The following ARMC2 variants were observed in gnomAD, a reference collection of about 807,000 sequenced individuals.
ARMC2 encodes the protein armadillo repeat-containing protein 2.
ARMC2 carries 67 observed loss-of-function variants against 90.3 expected under a neutral mutation model. The ratio of observed to expected loss-of-function variants is 0.74; its 90% CI spans 0.61 to 0.91. ARMC2 has a LOEUF of 0.91. ARMC2 is among the 40% of genes least tolerant of loss of function. ARMC2 has a pLI of 0.00. For synonymous variants in ARMC2, 393 were observed against 393.0 expected (o/e 1.00, Z 0.00); for missense variants, 920 against 1,030.9 (o/e 0.89, Z 1.47).
chr6:108,908,357 A>G (rs1249243858), intron 8 of ARMC2, among the ~76,000 whole-genome samples: 1 of 152,208 alleles, frequency 6.6e-6, no homozygotes, highest in Admixed American at 6.5e-5. Flanking sequence ...GGGGCTGACC[A>G]TGGCCGTTTT....
Position 108,896,510 on chromosome 6 carries a change from C to T in ARMC2, c.748+1967C>T, listed in dbSNP as rs141511723. On this transcript the variant is annotated intron_variant, in intron 6 of 17. Coordinates refer to ENST00000392644, the MANE Select transcript of ARMC2 (RefSeq NM_032131.6). ...AAAATGGAGGCAGGAGGAGGCCCAG[C>T]GTGAATGAAGAGGTGGAAAGGCTGT... Among the ~76,000 whole-genome samples, 48 of 152,180 alleles carry T rather than the reference C, an allele frequency of 3.2e-4. 2 individuals carry two copies. In the East Asian group the frequency reaches 8.9e-3, roughly 28 times the overall value.
chr6:108,898,888 A>C (rs1015259764), intron 6 of ARMC2, among the ~76,000 whole-genome samples: 11 of 152,022 alleles, frequency 7.2e-5, no homozygotes, highest in African/African-American at 2.7e-4. Flanking sequence ...GGCAGCATCT[A>C]CTCTTGATGG....
the ARMC2 span, among the ~76,000 whole-genome samples, chr6:109,017,446 C>T: frequency 1.3e-5 from 2 of 152,092 alleles, no homozygotes; most frequent in Admixed American, 6.6e-5. Context: ...CCACCACACC[C>T]AGCTAATTTT....
At chr6:109,042,972 C>T in the ARMC2 span, among the ~76,000 whole-genome samples, 1 of 151,942 alleles carries the variant, frequency 6.6e-6, no homozygotes, top group Non-Finnish European at 1.5e-5. Context: ...CAGAATTCCA[C>T]AATGTATAAA....
At chr6:108,897,506 C>T (rs1404928716) in intron 6 of ARMC2, among the ~76,000 whole-genome samples, 3 of 151,856 alleles carry the variant, frequency 2.0e-5, no homozygotes, top group Non-Finnish European at 4.4e-5. Context: ...TTGACAACCT[C>T]TATTTACTTT....
At chr6:108,892,913 C>T (rs1046098147) in intron 5 of ARMC2, among the ~76,000 whole-genome samples, 1 of 152,164 alleles carries the variant, frequency 6.6e-6, no homozygotes, top group South Asian at 2.1e-4. Context: ...GGAGAAGCCA[C>T]GGGCACATAC....
At chr6:108,882,216 C>T (rs1480332033) in intron 5 of ARMC2, among the ~76,000 whole-genome samples, 2 of 151,870 alleles carry the variant, frequency 1.3e-5, no homozygotes, top group Admixed American at 1.3e-4. Context: ...GCGGGCAGAT[C>T]ATGAGGTCAG....
the ARMC2 span, among the ~76,000 whole-genome samples, chr6:109,004,115 A>G: frequency 2.0e-5 from 3 of 152,204 alleles, no homozygotes; most frequent in Non-Finnish European, 4.4e-5. Context: ...CTGGAACACT[A>G]TAACATGCTT....
the ARMC2 span, among the ~76,000 whole-genome samples, chr6:109,012,380 A>C: frequency 6.6e-6 from 1 of 152,138 alleles, no homozygotes; most frequent in South Asian, 2.1e-4. Context: ...CTTTCTTTTA[A>C]AAAGATTTTG....
chr6:108,876,046 A>T, intron 4 of ARMC2, 97 bp from the exon 5 acceptor site: 1 of 1,105,044 alleles, frequency 9.0e-7, no homozygotes, highest in Non-Finnish European at 1.3e-6. Flanking sequence ...TATAACTTTT[A>T]AATCATATAA....
rs202205491 is a variant in ARMC2 at position 108,894,542 on chromosome 6, A to C, written c.747A>C (p.Ala249=). Residue 249 remains alanine, a splice_region_variant and synonymous_variant, in exon 6 of 18, where the codon GCA becomes GCC. Coordinates refer to ENST00000392644, the MANE Select transcript of ARMC2 (RefSeq NM_032131.6). ...SSDLSRLQTK[A]VPKADLQEED... Reference sequence around the variant, plus strand: ...ACCTGAGCAGGCTGCAAACCAAAGCAGGTGAGGGGTCCCCACACTCCTTCA... The same window carrying C: ...ACCTGAGCAGGCTGCAAACCAAAGCCGGTGAGGGGTCCCCACACTCCTTCA... 6.3e-5 allele frequency: 101 copies of C among 1,598,406 alleles called. 1 individual carries two copies. In the East Asian group the frequency reaches 2.3e-3, roughly 36 times the overall value.
chr6:108,972,124 G>T (rs1778808711), intron 17 of ARMC2, among the ~76,000 whole-genome samples: 1 of 152,114 alleles, frequency 6.6e-6, no homozygotes, highest in African/African-American at 2.4e-5. Flanking sequence ...AATTGCTGTG[G>T]CAATCAGCAC....
At chr6:109,021,281 C>T in the ARMC2 span, among the ~76,000 whole-genome samples, 2 of 152,118 alleles carry the variant, frequency 1.3e-5, no homozygotes, top group African/African-American at 2.4e-5. Context: ...CCTTGCCGAG[C>T]CCACCATGTA....
the ARMC2 span, chr6:108,987,591 C>G: frequency 6.2e-7 from 1 of 1,605,102 alleles, no homozygotes; most frequent in Non-Finnish European, 8.5e-7. Flanking sequence ...AGGAGTTCTG[C>G]TTGCATCCTA....
chr6:109,030,483 C>G, the ARMC2 span, among the ~76,000 whole-genome samples: 4 of 152,114 alleles, frequency 2.6e-5, no homozygotes, highest in Non-Finnish European at 4.4e-5. Context: ...ACCTGAACTT[C>G]TCATGTCTCA....
the ARMC2 span, among the ~76,000 whole-genome samples, chr6:109,020,890 A>G: frequency 6.6e-6 from 1 of 152,224 alleles, no homozygotes; most frequent in South Asian, 2.1e-4. Context: ...CTCTTCAAAT[A>G]CTACTTAAAC....
At chr6:108,910,473 G>C (rs1178418616) in intron 8 of ARMC2, among the ~76,000 whole-genome samples, 2 of 152,060 alleles carry the variant, frequency 1.3e-5, no homozygotes, top group African/African-American at 2.4e-5. Context: ...AAAAAGAAAA[G>C]AGAGAGAGAG....
At chr6:108,904,674 G>A (rs1772494960) in intron 8 of ARMC2, among the ~76,000 whole-genome samples, 1 of 151,454 alleles carries the variant, frequency 6.6e-6, no homozygotes, top group Non-Finnish European at 1.5e-5. Context: ...GAAGAAGAAG[G>A]AAGGAAGGAA....
intron 2 of ARMC2, among the ~76,000 whole-genome samples, chr6:108,855,393 C>T (rs1026982077): frequency 6.6e-5 from 10 of 152,046 alleles, no homozygotes; most frequent in Middle Eastern, 3.4e-3. Flanking sequence ...GGACTACAGG[C>T]GCCCGCCACC....
Sources: allele counts gnomAD v4.1 joint callset (sites outside exome capture counted in the v4.1 genomes callset), GRCh38; gene constraint gnomAD v4.1.1; transcripts MANE v1.5; gene names NCBI Gene and HGNC (gene_info 2026-07-23, HGNC 2026-07-21).